Variants in CARMIL1 observed in about 807,000 individuals in gnomAD.
CARMIL1 encodes the protein capping protein regulator and myosin 1 linker 1.
In CARMIL1, 90 loss-of-function variants were observed where a neutral mutation model predicts 177.1. That is an observed-to-expected ratio of 0.51 (90% CI 0.43 to 0.61). The LOEUF (loss-of-function observed/expected upper bound fraction) is 0.61. Among genes scored for constraint, CARMIL1 ranks in the 20% least tolerant of loss-of-function variants. The pLI is 0.00. For synonymous variants in CARMIL1, 577 were observed against 606.2 expected (o/e 0.95, Z 0.71); for missense variants, 1,380 against 1,667.0 (o/e 0.83, Z 3.00).
intron 29 of CARMIL1, among the ~76,000 whole-genome samples, chr6:25,559,118 T>C (rs1378606708): frequency 6.6e-6 from 1 of 152,168 alleles, no homozygotes; most frequent in Non-Finnish European, 1.5e-5. Context: ...ACCTTTCACA[T>C]GGCAGCAGCT....
chr6:25,408,050 T>C (rs574352289), intron 2 of CARMIL1, among the ~76,000 whole-genome samples: 10 of 152,176 alleles, frequency 6.6e-5, no homozygotes, highest in Admixed American at 1.3e-4. Context: ...ATCCAAACAC[T>C]TTGTGAGGCC....
chr6:25,555,865 TTTG>T (rs1259473325), intron 28 of CARMIL1, among the ~76,000 whole-genome samples: 2 of 152,192 alleles, frequency 1.3e-5, no homozygotes, highest in African/African-American at 4.8e-5. Context: ...CTTTTTTGCA[TTTG>T]TTTTTTCTTA....
At chr6:25,609,664 G>T (rs1171767298) in intron 35 of CARMIL1, among the ~76,000 whole-genome samples, 4 of 152,058 alleles carry the variant, frequency 2.6e-5, no homozygotes, top group Non-Finnish European at 5.9e-5. Context: ...AGTGACTATT[G>T]TACTGGGTTT....
At chr6:25,596,042 G>T (rs1004814724) in intron 32 of CARMIL1, among the ~76,000 whole-genome samples, 12 of 152,288 alleles carry the variant, frequency 7.9e-5, no homozygotes, top group African/African-American at 2.4e-4. Flanking sequence ...TTCAGTTAGT[G>T]AGGTGGTTTA....
Position 25,280,824 on chromosome 6 carries a change from A to G in CARMIL1, c.40+989A>G, listed in dbSNP as rs376226439. Reference sequence around the variant, plus strand: ...TTCCCTCCTGTACCATTCTTGGCACACTACACAGCCTACAGCTCACAAAGA... The same window carrying G: ...TTCCCTCCTGTACCATTCTTGGCACGCTACACAGCCTACAGCTCACAAAGA... On this transcript the variant is annotated intron_variant, in intron 1 of 36. Transcript: ENST00000329474. 1.1e-4 allele frequency among the ~76,000 whole-genome samples: 16 copies of G among 152,262 alleles called. No individual in the cohort carries two copies. The East Asian group carries it at 1.7e-3, about 17-fold the overall frequency.
intron 2 of CARMIL1, among the ~76,000 whole-genome samples, chr6:25,348,771 A>C (rs1303745669): frequency 6.6e-6 from 1 of 152,082 alleles, no homozygotes; most frequent in Admixed American, 6.5e-5. Context: ...ACAGAGCTAG[A>C]CTCTGTCTTA....
chr6:25,472,747 T>G, intron 11 of CARMIL1: 1 of 517,518 alleles, frequency 1.9e-6, no homozygotes, highest in South Asian at 2.6e-5. Context: ...AGGAAGATAT[T>G]ATTTTTAATA....
chr6:25,431,519 T>C (rs1796788963), intron 4 of CARMIL1, among the ~76,000 whole-genome samples: 1 of 151,942 alleles, frequency 6.6e-6, no homozygotes, highest in South Asian at 2.1e-4. Flanking sequence ...CACTCGTGAA[T>C]GATGACATAA....
At chr6:25,564,888 T>C (rs2151201530) in intron 29 of CARMIL1, among the ~76,000 whole-genome samples, 1 of 152,186 alleles carries the variant, frequency 6.6e-6, no homozygotes, top group African/African-American at 2.4e-5. Flanking sequence ...CTGGTAAAGG[T>C]AGGCAGGTTG....
At chr6:25,477,095 A>C (rs1801642969) in intron 11 of CARMIL1, among the ~76,000 whole-genome samples, 1 of 151,688 alleles carries the variant, frequency 6.6e-6, no homozygotes, top group Admixed American at 6.6e-5. Context: ...CTCAAAAAAA[A>C]AAAAAAACAA....
intron 17 of CARMIL1, among the ~76,000 whole-genome samples, chr6:25,507,643 T>C (rs1300158343): frequency 6.6e-6 from 1 of 152,216 alleles, no homozygotes; most frequent in African/African-American, 2.4e-5. Context: ...ATTTTCTATT[T>C]CTATAAATGG....
intron 2 of CARMIL1, among the ~76,000 whole-genome samples, chr6:25,415,222 G>A (rs986292841): frequency 4.6e-5 from 7 of 151,930 alleles, no homozygotes; most frequent in African/African-American, 1.7e-4. Context: ...GGGTGCAGTG[G>A]CACCATCGTA....
intron 2 of CARMIL1, among the ~76,000 whole-genome samples, chr6:25,333,020 C>G (rs1264642213): frequency 3.9e-5 from 6 of 152,022 alleles, no homozygotes; most frequent in African/African-American, 1.5e-4. Context: ...GCTGGAGAGA[C>G]TAAATGGTTT....
intron 2 of CARMIL1, among the ~76,000 whole-genome samples, chr6:25,406,503 G>A (rs946557431): frequency 3.9e-5 from 6 of 152,158 alleles, no homozygotes; most frequent in African/African-American, 7.2e-5. Context: ...ATTTGAGGGG[G>A]CAGGAGTGGA....
chr6:25,429,642 C>T (rs1002309419), intron 4 of CARMIL1, among the ~76,000 whole-genome samples: 2 of 151,956 alleles, frequency 1.3e-5, no homozygotes, highest in East Asian at 3.9e-4. Context: ...TAAGAAGTTT[C>T]TTTCTATTTT....
chr6:25,350,344 T>C (rs761296205), intron 2 of CARMIL1, among the ~76,000 whole-genome samples: 1 of 152,176 alleles, frequency 6.6e-6, no homozygotes, highest in Non-Finnish European at 1.5e-5. Context: ...TAAAGTCTTA[T>C]AGTTACTAAT....
intron 2 of CARMIL1, among the ~76,000 whole-genome samples, chr6:25,337,744 A>G (rs528524340): frequency 6.6e-6 from 1 of 152,368 alleles, no homozygotes; most frequent in Admixed American, 6.5e-5. Flanking sequence ...TAGTAAAATG[A>G]AGTACTAGAA....
At chr6:25,424,918 G>A (rs1482491832) in intron 3 of CARMIL1, among the ~76,000 whole-genome samples, 1 of 152,138 alleles carries the variant, frequency 6.6e-6, no homozygotes, top group Non-Finnish European at 1.5e-5. Context: ...CAGCCAGTGG[G>A]CTTAACTCAA....
intron 2 of CARMIL1, among the ~76,000 whole-genome samples, chr6:25,389,559 G>A (rs1050321906): frequency 6.6e-6 from 1 of 152,148 alleles, no homozygotes; most frequent in African/African-American, 2.4e-5. Context: ...AGTGTAAAAT[G>A]GAATAATTGC....
Sources: gnomAD v4.1 joint callset for allele counts (sites outside exome capture counted in the v4.1 genomes callset) on GRCh38, gnomAD v4.1.1 for gene constraint, MANE v1.5 for transcripts, NCBI Gene and HGNC (gene_info 2026-07-23, HGNC 2026-07-21) for gene names.